LAMA3: variants seen among roughly 807,000 people sequenced by gnomAD.
LAMA3 encodes laminin subunit alpha-3.
In LAMA3, 281 loss-of-function variants were observed where a neutral mutation model predicts 402.0. That is an observed-to-expected ratio of 0.70 (90% confidence interval 0.63 to 0.77). LAMA3 has a LOEUF of 0.77. LAMA3 is among the 30% of genes least tolerant of loss of function. LAMA3 has a pLI of 0.00. For synonymous variants in LAMA3, 1,431 were observed against 1,558.4 expected (o/e 0.92, Z 1.93); for missense variants, 3,840 against 4,215.5 (o/e 0.91, Z 2.47).
chr18:23,726,913 C>T (rs892243038), intron 2 of LAMA3, among the ~76,000 whole-genome samples: 2 of 152,074 alleles, frequency 1.3e-5, no homozygotes, highest in Non-Finnish European at 2.9e-5. Flanking sequence ...CTACCGTGCC[C>T]GGCCCATTGC....
intron 55 of LAMA3, among the ~76,000 whole-genome samples, chr18:23,909,502 C>G (rs1488769418): frequency 6.6e-6 from 1 of 152,174 alleles, no homozygotes; most frequent in Non-Finnish European, 1.5e-5. Context: ...TCTGGTATAT[C>G]AGGATCCTGA....
Position 23,847,577 on chromosome 18 carries a change from C to A in LAMA3, c.4045C>A (p.Pro1349Thr), listed in dbSNP as rs773552469. 1 of 1,614,134 alleles carries A rather than the reference C, an allele frequency of 6.2e-7. No individual in the cohort carries two copies. The highest frequency in any genetic ancestry group is 1.1e-5 in the South Asian group (1 of 91,080). ...VCETHSFSFH[P>T]MAGCEGCNCS... The stretch of plus-strand genomic sequence containing the variant: ...TGAGACACACTCATTCAGCTTCCAC[C>A]CCATGGCCGGCTGCGAAGGCTGCAA... Residue 1349 changes from proline to threonine, a missense_variant, in exon 32 of 75, where the codon CCC becomes ACC. Physicochemically the swap from Pro to Thr is conservative, Grantham distance 38. Around this residue, in one of 3 missense-constraint regions of LAMA3, gnomAD observed 2,109 missense variants for 2,376.0 expected, o/e 0.89. Transcript: ENST00000313654.
intron 21 of LAMA3, 60 bp from the exon 22 acceptor site, chr18:23,826,642 C>G (rs1025827394): frequency 8.1e-7 from 1 of 1,227,814 alleles, no homozygotes; most frequent in Non-Finnish European, 1.2e-6. Context: ...TGATTATTTT[C>G]TATCCAAAGT....
chr18:23,898,879 T>G, intron 45 of LAMA3, 31 bp downstream of exon 45: 1 of 1,561,462 alleles, frequency 6.4e-7, no homozygotes, highest in Non-Finnish European at 8.8e-7. Context: ...AACTTTGGGG[T>G]TTTTTTGCTT....
At chr18:23,760,633 T>A (rs1264590979) in intron 7 of LAMA3, among the ~76,000 whole-genome samples, 1 of 152,212 alleles carries the variant, frequency 6.6e-6, no homozygotes, top group Non-Finnish European at 1.5e-5. Flanking sequence ...TACTTTGTAA[T>A]TTTAGAAGTG....
chr18:23,813,164 G>A (rs2063107541), intron 14 of LAMA3, 61 bp downstream of exon 14: 4 of 1,134,218 alleles, frequency 3.5e-6, no homozygotes, highest in South Asian at 1.3e-5. Flanking sequence ...TGCATATTAA[G>A]GACTAACAGT....
intron 7 of LAMA3, among the ~76,000 whole-genome samples, chr18:23,762,359 C>T (rs1458747713): frequency 1.3e-5 from 2 of 151,996 alleles, no homozygotes; most frequent in Non-Finnish European, 1.5e-5. Flanking sequence ...GAGGCCGAGG[C>T]GGGCAGGTCA....
chr18:23,797,996 C>G (rs1309550913), intron 12 of LAMA3, among the ~76,000 whole-genome samples: 1 of 152,064 alleles, frequency 6.6e-6, no homozygotes, highest in Non-Finnish European at 1.5e-5. Context: ...TTTTTTGACT[C>G]TATCTTCAAC....
chr18:23,791,347 GTTACTTT>G (rs2062649353), intron 12 of LAMA3, among the ~76,000 whole-genome samples: 1 of 152,180 alleles, frequency 6.6e-6, no homozygotes, highest in Non-Finnish European at 1.5e-5. Flanking sequence ...AGCAGATACA[GTTACTTT>G]TTAAAGATGC....
At chr18:23,838,963 A>G (rs112841753) in intron 26 of LAMA3, 85 bp downstream of exon 26, 5 of 845,948 alleles carry the variant, frequency 5.9e-6, no homozygotes, top group Non-Finnish European at 1.0e-5. Context: ...ACTCAACGTC[A>G]GAAATGATCA....
chr18:23,716,959 T>C (rs2061112549), intron 2 of LAMA3, among the ~76,000 whole-genome samples: 1 of 152,244 alleles, frequency 6.6e-6, no homozygotes. Context: ...AGAGCAGTCG[T>C]ATTTTTTATT....
intron 74 of LAMA3, 99 bp from the exon 75 acceptor site, chr18:23,954,404 A>G: frequency 1.8e-6 from 1 of 559,020 alleles, no homozygotes; most frequent in East Asian, 6.5e-5. Flanking sequence ...CCCTGTCTAA[A>G]AAAAAAAAAA....
At chr18:23,889,894 CGGTCTTCCACCCATTG>C in intron 41 of LAMA3, 101 bp from the exon 42 acceptor site, 1 of 792,942 alleles carries the variant, frequency 1.3e-6, no homozygotes, top group Non-Finnish European at 2.3e-6. Context: ...AGATCTATGT[CGGTCTTCCACCCATTG>C]GGTTACAATA....
At chr18:23,952,719 G>T (rs2082958336) in intron 73 of LAMA3, among the ~76,000 whole-genome samples, 2 of 152,158 alleles carry the variant, frequency 1.3e-5, no homozygotes, top group Admixed American at 1.3e-4. Flanking sequence ...ATCTTGTCAG[G>T]CTCCTCAGTG....
chr18:23,928,791 A>G, intron 64 of LAMA3, 26 bp downstream of exon 64: 1 of 1,601,818 alleles, frequency 6.2e-7, no homozygotes, highest in East Asian at 2.2e-5. Flanking sequence ...TTAATATCAA[A>G]CAAGATTTAA....
chr18:23,871,335 G>A, intron 37 of LAMA3, 96 bp from the exon 38 acceptor site: 1 of 926,940 alleles, frequency 1.1e-6, no homozygotes, highest in South Asian at 1.3e-5. Flanking sequence ...CATTTTAAGT[G>A]TCTTGTTTTT....
intron 8 of LAMA3, among the ~76,000 whole-genome samples, chr18:23,773,142 C>T (rs182965423): frequency 4.9e-4 from 75 of 152,340 alleles, no homozygotes; most frequent in African/African-American, 1.7e-3. Flanking sequence ...ATTATCCATT[C>T]GTCAGTTCTT....
intron 13 of LAMA3, among the ~76,000 whole-genome samples, chr18:23,812,276 A>G (rs2063089056): frequency 6.6e-6 from 1 of 152,108 alleles, no homozygotes; most frequent in South Asian, 2.1e-4. Context: ...CAGGCATTGG[A>G]GGTTGCAGTG....
chr18:23,950,488 A>T (rs1395029282), intron 72 of LAMA3, among the ~76,000 whole-genome samples: 2 of 152,194 alleles, frequency 1.3e-5, no homozygotes, highest in Non-Finnish European at 2.9e-5. Flanking sequence ...GGCTTTTGTC[A>T]AGATTATAGA....
Sources: gnomAD v4.1 joint callset for allele counts (sites outside exome capture counted in the v4.1 genomes callset) on GRCh38, gnomAD v4.1.1 for gene constraint, gnomAD v4.1.1 regional missense constraint, MANE v1.5 for transcripts, NCBI Gene and HGNC (gene_info 2026-07-23, HGNC 2026-07-21) for gene names.